Variants in PCDH9 observed in about 807,000 individuals in gnomAD.
The protein encoded by PCDH9 is protocadherin 9.
PCDH9 carries 24 observed loss-of-function variants against 70.6 expected under a neutral mutation model. The observed-to-expected ratio is 0.34, with a 90% confidence interval of 0.25 to 0.48. The LOEUF (loss-of-function observed/expected upper bound fraction) is 0.48. Ranked by LOEUF, PCDH9 falls within the 20% of genes least tolerant of loss-of-function variation. PCDH9 has a pLI of 0.99. For missense variants in PCDH9, 1,281 were observed against 1,503.6 expected (o/e 0.85, Z 2.45); for synonymous variants, 562 against 558.5 (o/e 1.01, Z -0.09).
At chr13:66,550,651 T>C (rs1055410072) in intron 4 of PCDH9, among the ~76,000 whole-genome samples, 3 of 152,172 alleles carry the variant, frequency 2.0e-5, no homozygotes, top group Non-Finnish European at 4.4e-5. Context: ...CAGAGCCCCA[T>C]ATCAGTTCTG....
chr13:66,368,210 TA>T (rs1321181775), intron 4 of PCDH9, among the ~76,000 whole-genome samples: 1 of 152,102 alleles, frequency 6.6e-6, no homozygotes, highest in Non-Finnish European at 1.5e-5. Context: ...TAAATGTCTT[TA>T]ACATTACTAA....
intron 3 of PCDH9, among the ~76,000 whole-genome samples, chr13:66,751,591 T>C (rs557097978): frequency 2.0e-5 from 3 of 152,294 alleles, no homozygotes; most frequent in East Asian, 3.9e-4. Context: ...AGAGATTTCA[T>C]GAAAGCAAGC....
At chr13:66,735,286 C>A (rs2079131443) in intron 3 of PCDH9, among the ~76,000 whole-genome samples, 2 of 152,126 alleles carry the variant, frequency 1.3e-5, no homozygotes, top group Admixed American at 6.5e-5. Context: ...CTTGCAAAAT[C>A]TTGTATTTCT....
At chr13:66,540,877 T>C (rs75055651) in intron 4 of PCDH9, among the ~76,000 whole-genome samples, 2 of 152,300 alleles carry the variant, frequency 1.3e-5, no homozygotes, top group East Asian at 3.9e-4. Context: ...TTGGTTGCAG[T>C]GTGACTCTAC....
At chr13:66,971,336 A>G (rs2083518700) in intron 2 of PCDH9, among the ~76,000 whole-genome samples, 1 of 152,074 alleles carries the variant, frequency 6.6e-6, no homozygotes, top group African/African-American at 2.4e-5. Flanking sequence ...TAATATGCAA[A>G]TGAATATAAA....
intron 3 of PCDH9, among the ~76,000 whole-genome samples, chr13:66,867,016 C>CT (rs562922937): frequency 0.37 from 50,270 of 136,888 alleles, 9,165 homozygotes; most frequent in East Asian, 0.52. Flanking sequence ...CAGTTTCTTT[C>CT]TTTTTTTTTT....
chr13:66,596,441 C>T (rs974314019), intron 4 of PCDH9, among the ~76,000 whole-genome samples: 4 of 151,614 alleles, frequency 2.6e-5, no homozygotes, highest in African/African-American at 9.7e-5. Flanking sequence ...TGCATATTCA[C>T]ACAAGTATAT....
intron 3 of PCDH9, among the ~76,000 whole-genome samples, chr13:66,775,166 A>T (rs1350293251): frequency 6.6e-6 from 1 of 152,194 alleles, no homozygotes; most frequent in Non-Finnish European, 1.5e-5. Context: ...AAAAAGTATC[A>T]TTTTTGAAGA....
intron 4 of PCDH9, among the ~76,000 whole-genome samples, chr13:66,460,526 A>G (rs1958404204): frequency 6.6e-6 from 1 of 151,892 alleles, no homozygotes; most frequent in Non-Finnish European, 1.5e-5. Flanking sequence ...TAGAAACATA[A>G]CTAACATATA....
At chr13:66,739,826 C>G (rs1244109266) in intron 3 of PCDH9, among the ~76,000 whole-genome samples, 1 of 123,712 alleles carries the variant, frequency 8.1e-6, no homozygotes, top group Non-Finnish European at 1.7e-5. Flanking sequence ...TACAGGAGCA[C>G]CCAGATTCAT....
rs552076654 is a variant in PCDH9 at position 67,119,178 on chromosome 13, T to A, written c.3036+106227A>T. 3.3e-5 allele frequency among the ~76,000 whole-genome samples: 5 copies of A among 152,250 alleles called. No homozygotes were observed. The South Asian group carries it at 1.0e-3, about 32-fold the overall frequency. On this transcript the variant is annotated intron_variant, in intron 2 of 4. Coordinates refer to ENST00000377865, the MANE Select transcript of PCDH9 (RefSeq NM_203487.3). ...TTACAATGTTTAGAAGTTTTTTTCT[T>A]TTGGGGTTTGTTTCTTGATTTTATT... is the stretch of plus-strand genomic sequence containing the variant.
At chr13:66,689,067 A>T (rs1244949616) in intron 3 of PCDH9, among the ~76,000 whole-genome samples, 1 of 152,198 alleles carries the variant, frequency 6.6e-6, no homozygotes, top group African/African-American at 2.4e-5. Flanking sequence ...AATATATGCC[A>T]TATCAAGGAA....
chr13:66,630,204 T>C (rs1393171544), intron 4 of PCDH9, among the ~76,000 whole-genome samples: 1 of 152,160 alleles, frequency 6.6e-6, no homozygotes, highest in Non-Finnish European at 1.5e-5. Flanking sequence ...ATTACTATTT[T>C]TATTATTTAC....
At chr13:66,637,345 A>T (rs938748449) in intron 3 of PCDH9, among the ~76,000 whole-genome samples, 5 of 152,324 alleles carry the variant, frequency 3.3e-5, no homozygotes, top group Admixed American at 1.3e-4. Context: ...TTAAACCTTA[A>T]GGTTTCTGAA....
intron 3 of PCDH9, among the ~76,000 whole-genome samples, chr13:66,851,394 A>G (rs2081312061): frequency 6.6e-6 from 1 of 152,212 alleles, no homozygotes; most frequent in East Asian, 1.9e-4. Flanking sequence ...CTTCTCAAAA[A>G]AAAATAACTT....
At chr13:66,526,414 T>G (rs1483174695) in intron 4 of PCDH9, among the ~76,000 whole-genome samples, 1 of 152,048 alleles carries the variant, frequency 6.6e-6, no homozygotes, top group African/African-American at 2.4e-5. Flanking sequence ...AAGTCTCAAC[T>G]CAAAGTTCAG....
At chr13:66,934,584 G>A (rs1204006238) in intron 2 of PCDH9, among the ~76,000 whole-genome samples, 1 of 110,546 alleles carries the variant, frequency 9.0e-6, no homozygotes, top group South Asian at 3.2e-4. Flanking sequence ...AAAACTCCTT[G>A]AAGCATAGGA....
intron 2 of PCDH9, among the ~76,000 whole-genome samples, chr13:66,927,232 T>A (rs1026008467): frequency 1.3e-5 from 2 of 151,922 alleles, no homozygotes; most frequent in Non-Finnish European, 2.9e-5. Context: ...ATGAATAAGA[T>A]CATGTTCTTT....
At chr13:66,633,842 T>C (rs1031666307) in intron 3 of PCDH9, among the ~76,000 whole-genome samples, 9 of 152,196 alleles carry the variant, frequency 5.9e-5, no homozygotes, top group Non-Finnish European at 1.0e-4. Context: ...ATGACGATAT[T>C]TCTTCCTCAT....
Sources: allele counts gnomAD v4.1 joint callset (sites outside exome capture counted in the v4.1 genomes callset), GRCh38; gene constraint gnomAD v4.1.1; transcripts MANE v1.5; gene names NCBI Gene and HGNC (gene_info 2026-07-23, HGNC 2026-07-21).